Variants in RRAGB observed in about 807,000 individuals in gnomAD.
RRAGB encodes the protein ras-related GTP-binding protein B.
In RRAGB, 6 loss-of-function variants were observed where a neutral mutation model predicts 29.3. The ratio of observed to expected loss-of-function variants is 0.21; its 90% CI spans 0.11 to 0.40. RRAGB has a LOEUF of 0.40. Among genes scored for constraint, RRAGB ranks in the 10% least tolerant of loss-of-function variants. The pLI is 1.00. For missense variants in RRAGB, 184 were observed against 272.9 expected (o/e 0.67, Z 2.29); for synonymous variants, 101 against 92.5 (o/e 1.09, Z -0.53).
At chrX:55,748,604 C>G (rs1317912966) in intron 5 of RRAGB, among the ~76,000 whole-genome samples, 2 of 110,567 alleles carry the variant, frequency 1.8e-5, no homozygotes, top group African/African-American at 6.6e-5. Context: ...GCCGCCCAGT[C>G]TGAGAAGTGA....
At chrX:55,739,090 C>T (rs898025602) in intron 5 of RRAGB, among the ~76,000 whole-genome samples, 1 of 112,921 alleles carries the variant, frequency 8.9e-6, no homozygotes, top group African/African-American at 3.2e-5. Context: ...AGGTAGGTAT[C>T]ACATCCACAG....
chrX:55,748,557 G>A (rs901731847), intron 5 of RRAGB, among the ~76,000 whole-genome samples: 3 of 111,478 alleles, frequency 2.7e-5, no homozygotes, highest in Admixed American at 9.3e-5. Context: ...CTGCTGGGCC[G>A]TGACCCCGTC....
At chrX:55,721,253 A>G (rs778174238) in intron 2 of RRAGB, among the ~76,000 whole-genome samples, 12 of 111,864 alleles carry the variant, frequency 1.1e-4, no homozygotes, top group South Asian at 3.8e-4. Flanking sequence ...TCTGAGAGAG[A>G]AGGACAGACC....
intron 5 of RRAGB, among the ~76,000 whole-genome samples, chrX:55,745,571 G>A (rs764624105): frequency 9.8e-5 from 11 of 112,522 alleles, no homozygotes; most frequent in Non-Finnish European, 2.1e-4. Flanking sequence ...AGGCTGAATA[G>A]GAGATTTGAA....
intron 4 of RRAGB, among the ~76,000 whole-genome samples, chrX:55,730,574 C>A (rs761660837): frequency 2.6e-4 from 29 of 112,046 alleles, no homozygotes; most frequent in African/African-American, 8.4e-4. Flanking sequence ...TTGAGAACTT[C>A]CTGGAAAGCA....
Position 55,733,152 on chromosome X carries a change from A to G in RRAGB, c.516+1566A>G, listed in dbSNP as rs760182201. 2.7e-5 allele frequency among the ~76,000 whole-genome samples: 3 copies of G among 111,226 alleles called. No homozygotes were observed. In the East Asian group the frequency reaches 8.5e-4, roughly 31 times the overall value. On this transcript the variant is annotated intron_variant, in intron 5 of 9. Coordinates refer to ENST00000374941, the MANE Select transcript of RRAGB (RefSeq NM_006064.5). ...CCCCGTTTCTGTGTCTCCAGTGTCC[A>G]TTATACCACTCTGTATGCTTTTATG...
At chrX:55,746,067 T>C (rs1214263019) in intron 5 of RRAGB, among the ~76,000 whole-genome samples, 1 of 111,319 alleles carries the variant, frequency 9.0e-6, no homozygotes, top group Non-Finnish European at 1.9e-5. Context: ...TGGAGGAGGC[T>C]GGGAGGAAGA....
chrX:55,740,358 ATTTT>A lies in RRAGB; in HGVS notation c.516+8773_516+8776del, dbSNP rs1285747329. On this transcript the variant is annotated intron_variant, in intron 5 of 9. Coordinates refer to ENST00000374941, the MANE Select transcript of RRAGB (RefSeq NM_006064.5). ...AAATCATTGTGATTTTGAACCATGAATTTTAAATCATTATGACTAGGCTCAAACA... is the reference window on the plus strand; with the variant it reads ...AAATCATTGTGATTTTGAACCATGAAAAATCATTATGACTAGGCTCAAACA... 1.3e-3 allele frequency among the ~76,000 whole-genome samples: 144 copies of A among 111,521 alleles called. 2 individuals are homozygous for A. The highest frequency in any genetic ancestry group is 4.6e-3 in the African/African-American group (141 of 30,578).
At chrX:55,721,331 A>G (rs1465478041) in intron 2 of RRAGB, among the ~76,000 whole-genome samples, 1 of 112,249 alleles carries the variant, frequency 8.9e-6, no homozygotes, top group African/African-American at 3.2e-5. Flanking sequence ...GGGAGGACAG[A>G]GGTAAGACAC....
chrX:55,727,580 C>T (rs918538889), intron 3 of RRAGB, among the ~76,000 whole-genome samples: 1 of 111,554 alleles, frequency 9.0e-6, no homozygotes, highest in African/African-American at 3.3e-5. Flanking sequence ...ATACCCAGAG[C>T]TTAAGTGACT....
Position 55,758,279 on chromosome X carries a change from C to T in RRAGB, c.977C>T (p.Ala326Val). Residue 326 changes from alanine to valine, a missense_variant, in exon 10 of 10, where the codon GCC becomes GTC. Ala to Val is a moderately conservative substitution (Grantham distance 64). Transcript: ENST00000374941. ...GCTACTCTGATCAACATCCGCAATGCCAGGAAACACTTTGAAAAGCTGGAA... is the reference window on the plus strand; with the variant it reads ...GCTACTCTGATCAACATCCGCAATGTCAGGAAACACTTTGAAAAGCTGGAA... Reference protein sequence around the residue: ...SAATLINIRNARKHFEKLERV... With the variant: ...SAATLINIRNVRKHFEKLERV... The T allele has an allele frequency of 8.3e-7, 1 of 1,207,310 alleles. No individual in the cohort carries two copies. The highest frequency in any genetic ancestry group is 1.1e-6 in the Non-Finnish European group (1 of 892,687).
intron 5 of RRAGB, among the ~76,000 whole-genome samples, chrX:55,748,851 C>T (rs1340066022): frequency 9.5e-6 from 1 of 105,483 alleles, no homozygotes; most frequent in Non-Finnish European, 2.0e-5. Context: ...TGCCCAGCCG[C>T]CCCCACTGGG....
chrX:55,750,711 T>C (rs2034498739), intron 5 of RRAGB, among the ~76,000 whole-genome samples: 1 of 111,946 alleles, frequency 8.9e-6, no homozygotes, highest in Non-Finnish European at 1.9e-5. Flanking sequence ...TATATATGTG[T>C]CTGAGAAAGA....
intron 3 of RRAGB, among the ~76,000 whole-genome samples, chrX:55,728,210 G>A (rs935047491): frequency 8.9e-6 from 1 of 111,782 alleles, no homozygotes; most frequent in African/African-American, 3.3e-5. Flanking sequence ...TAAAAATATG[G>A]ATTTCCCACT....
chrX:55,719,171 C>T (rs1192235274), intron 1 of RRAGB, 143 bp from the exon 2 acceptor site: 1 of 463,605 alleles, frequency 2.2e-6, no homozygotes, highest in African/African-American at 2.6e-5. Flanking sequence ...GACCTCTATT[C>T]ATCTGAGGTC....
intron 3 of RRAGB, among the ~76,000 whole-genome samples, chrX:55,729,072 A>C (rs185687969): frequency 9.0e-6 from 1 of 111,186 alleles, no homozygotes; most frequent in Non-Finnish European, 1.9e-5. Context: ...ACTACTAAAA[A>C]GTGAAATGAC....
At chrX:55,754,102 A>T (rs943591829) in intron 7 of RRAGB, among the ~76,000 whole-genome samples, 1 of 112,680 alleles carries the variant, frequency 8.9e-6, no homozygotes, top group Non-Finnish European at 1.9e-5. Context: ...ATGTTAAAGG[A>T]TTCCTATTTC....
chrX:55,732,081 A>G (rs1057288426), intron 5 of RRAGB, among the ~76,000 whole-genome samples: 32 of 112,613 alleles, frequency 2.8e-4, no homozygotes, highest in Admixed American at 5.6e-4. Flanking sequence ...TAGTACACAC[A>G]AATTTAAACC....
intron 1 of RRAGB, among the ~76,000 whole-genome samples, chrX:55,718,728 G>A (rs1443254125): frequency 9.0e-6 from 1 of 111,285 alleles, no homozygotes; most frequent in Admixed American, 9.5e-5. Context: ...GGTTGGGGAT[G>A]GAAAGACTAG....
Sources: gnomAD v4.1 joint callset for allele counts (sites outside exome capture counted in the v4.1 genomes callset) on GRCh38, gnomAD v4.1.1 for gene constraint, MANE v1.5 for transcripts, NCBI Gene and HGNC (gene_info 2026-07-23, HGNC 2026-07-21) for gene names.